Variants in CNTN4 observed in about 807,000 individuals in gnomAD.
The protein encoded by CNTN4 is contactin-4.
CNTN4 carries 77 observed loss-of-function variants against 122.5 expected under a neutral mutation model. The ratio of observed to expected loss-of-function variants is 0.63; its 90% CI spans 0.52 to 0.76. CNTN4 has a LOEUF of 0.76. Ranked by LOEUF, CNTN4 falls within the 30% of genes least tolerant of loss-of-function variation. The probability of loss-of-function intolerance (pLI) is 0.00; values close to 1 mark genes in which losing one functional copy is unlikely to be tolerated. For synonymous variants in CNTN4, 512 were observed against 447.0 expected (o/e 1.15, Z -1.83); for missense variants, 1,256 against 1,259.1 (o/e 1.00, Z 0.04).
chr3:2,448,954 C>T (rs2048726018), intron 3 of CNTN4, among the ~76,000 whole-genome samples: 1 of 152,136 alleles, frequency 6.6e-6, no homozygotes, highest in African/African-American at 2.4e-5. Context: ...TCTCCAGAGG[C>T]TTTTACTTTA....
rs562164910 is a variant in CNTN4, at chr3:2,357,090, C to A, written c.-89+17857C>A. ...TACAGACCACTTAGGAATCCTGTTACAAATGCAGATTCTGCCCTAGGAAGC... is the reference window on the plus strand; with the variant it reads ...TACAGACCACTTAGGAATCCTGTTAAAAATGCAGATTCTGCCCTAGGAAGC... On this transcript the variant is annotated intron_variant, in intron 3 of 24. Coordinates refer to ENST00000418658, the MANE Select transcript of CNTN4 (RefSeq NM_175607.3). Among the ~76,000 whole-genome samples, 4 of 152,282 alleles carry A rather than the reference C, an allele frequency of 2.6e-5. No homozygotes were observed. The East Asian group carries it at 5.8e-4, about 22-fold the overall frequency.
At chr3:2,604,604 T>C (rs2081182889) in intron 4 of CNTN4, among the ~76,000 whole-genome samples, 1 of 152,098 alleles carries the variant, frequency 6.6e-6, no homozygotes, top group Admixed American at 6.6e-5. Context: ...TATCAGTAGG[T>C]GAAGGTTTCT....
At chr3:2,807,030 C>G (rs2092483773) in intron 6 of CNTN4, among the ~76,000 whole-genome samples, 1 of 152,162 alleles carries the variant, frequency 6.6e-6, no homozygotes, top group Admixed American at 6.5e-5. Context: ...CCACATTAAG[C>G]TCTTTGAGAA....
intron 6 of CNTN4, among the ~76,000 whole-genome samples, chr3:2,759,073 C>T (rs558294459): frequency 2.6e-5 from 4 of 152,122 alleles, no homozygotes; most frequent in African/African-American, 4.8e-5. Context: ...TAAATGAAAT[C>T]GTAATATATG....
chr3:2,801,575 A>G (rs2092347927), intron 6 of CNTN4, among the ~76,000 whole-genome samples: 1 of 152,236 alleles, frequency 6.6e-6, no homozygotes, highest in East Asian at 1.9e-4. Flanking sequence ...AAAATAAAGC[A>G]TTATTAAAAC....
chr3:2,965,989 A>C (rs1237009219), intron 13 of CNTN4, among the ~76,000 whole-genome samples: 1 of 152,090 alleles, frequency 6.6e-6, no homozygotes, highest in South Asian at 2.1e-4. Context: ...TATCTGTCTC[A>C]TATTTATTGG....
In CNTN4 at chr3:2,883,199, C is replaced by G; in HGVS notation, c.707C>G (p.Pro236Arg). 6.2e-7 allele frequency: 1 copy of G among 1,613,780 alleles called. No homozygotes were observed. Among genetic ancestry groups the G allele is most frequent in the Non-Finnish European group, 8.5e-7 (1 of 1,179,870 alleles). The change falls in exon 9 of 25, where the codon CCG becomes CGG. Residue 236 changes from proline to arginine, a missense_variant. Transcript: ENST00000418658. Reference sequence around the variant, plus strand: ...GAAGTGCAGTTCCCAGAAACAGTTCCGACTGCAAAAGGAGCAACGGTGAAG... The same window carrying G: ...GAAGTGCAGTTCCCAGAAACAGTTCGGACTGCAAAAGGAGCAACGGTGAAG... ...KIEVQFPETV[P>R]TAKGATVKLE...
intron 3 of CNTN4, among the ~76,000 whole-genome samples, chr3:2,453,284 G>A (rs1696928098): frequency 6.6e-6 from 1 of 151,964 alleles, no homozygotes; most frequent in Non-Finnish European, 1.5e-5. Context: ...ATTACCTACA[G>A]TGAACTTTTC....
At chr3:2,443,367 C>T (rs1401995648) in intron 3 of CNTN4, among the ~76,000 whole-genome samples, 1 of 152,096 alleles carries the variant, frequency 6.6e-6, no homozygotes, top group East Asian at 1.9e-4. Flanking sequence ...CAGCCAGGGC[C>T]ACTAGTTTCT....
At chr3:2,266,693 A>G (rs1023237562) in intron 2 of CNTN4, among the ~76,000 whole-genome samples, 1 of 152,064 alleles carries the variant, frequency 6.6e-6, no homozygotes, top group Non-Finnish European at 1.5e-5. Context: ...ATGCAAACCA[A>G]TTCATTGGTA....
intron 8 of CNTN4, among the ~76,000 whole-genome samples, chr3:2,869,353 G>C (rs537603181): frequency 1.3e-5 from 2 of 152,266 alleles, no homozygotes; most frequent in African/African-American, 4.8e-5. Context: ...CAGAGAAGGA[G>C]AGAAATGGAT....
chr3:2,579,682 T>C (rs1202343868), intron 4 of CNTN4, among the ~76,000 whole-genome samples: 1 of 152,202 alleles, frequency 6.6e-6, no homozygotes, highest in Non-Finnish European at 1.5e-5. Context: ...TATTATTCAT[T>C]GAGTAATTTA....
intron 2 of CNTN4, among the ~76,000 whole-genome samples, chr3:2,256,390 G>C (rs547388913): frequency 6.6e-6 from 1 of 152,258 alleles, no homozygotes; most frequent in Non-Finnish European, 1.5e-5. Flanking sequence ...CATTCCTTCT[G>C]AAACTATTCC....
intron 14 of CNTN4, among the ~76,000 whole-genome samples, chr3:3,009,522 C>G (rs1412770849): frequency 6.6e-6 from 1 of 151,114 alleles, no homozygotes; most frequent in African/African-American, 2.4e-5. Flanking sequence ...CAAGCTCCGC[C>G]CCCCGGGTTC....
At chr3:2,604,240 C>A (rs548964543) in intron 4 of CNTN4, among the ~76,000 whole-genome samples, 28 of 149,060 alleles carry the variant, frequency 1.9e-4, no homozygotes, top group Non-Finnish European at 2.8e-4. Context: ...TTATGCTAAT[C>A]TGTTATTTTT....
intron 4 of CNTN4, among the ~76,000 whole-genome samples, chr3:2,627,480 C>T (rs2082235542): frequency 6.7e-6 from 1 of 148,600 alleles, no homozygotes; most frequent in South Asian, 2.1e-4. Context: ...GGGATGTTGC[C>T]ATTAAGTGTC....
At chr3:2,775,397 C>G (rs1432195136) in intron 6 of CNTN4, among the ~76,000 whole-genome samples, 1 of 152,060 alleles carries the variant, frequency 6.6e-6, no homozygotes, top group Non-Finnish European at 1.5e-5. Context: ...GAAGTTGTTG[C>G]CCATCATTTA....
chr3:2,649,969 A>G (rs2083289910), intron 4 of CNTN4, among the ~76,000 whole-genome samples: 1 of 150,074 alleles, frequency 6.7e-6, no homozygotes, highest in African/African-American at 2.4e-5. Context: ...TCTACTAAAA[A>G]TACAAATATA....
At chr3:3,009,020 A>G (rs1463593744) in intron 14 of CNTN4, 1 of 985,302 alleles carries the variant, frequency 1.0e-6, no homozygotes, top group Admixed American at 6.2e-5. Flanking sequence ...TCTGCGGGCT[A>G]GAGGACAAGC....
Sources: gnomAD v4.1 joint callset for allele counts (sites outside exome capture counted in the v4.1 genomes callset) on GRCh38, gnomAD v4.1.1 for gene constraint, MANE v1.5 for transcripts, NCBI Gene and HGNC (gene_info 2026-07-23, HGNC 2026-07-21) for gene names.